Variants in FHIT observed in about 807,000 individuals in gnomAD.
FHIT encodes the protein fragile histidine triad diadenosine triphosphatase, also known as bis(5'-adenosyl)-triphosphatase.
In FHIT, 19 loss-of-function variants were observed where a neutral mutation model predicts 17.9. That is an observed-to-expected ratio of 1.06 (90% CI 0.74 to 1.56). The LOEUF is 1.56. Ranked by LOEUF, FHIT falls within the 40% of genes most tolerant of loss-of-function variation. The probability of loss-of-function intolerance (pLI) is 0.00; values close to 1 mark genes in which losing one functional copy is unlikely to be tolerated. For missense variants in FHIT, 248 were observed against 189.2 expected (o/e 1.31, Z -1.82); for synonymous variants, 81 against 69.7 (o/e 1.16, Z -0.81).
chr3:59,871,419 T>C (rs1206697645), intron 8 of FHIT, among the ~76,000 whole-genome samples: 1 of 152,124 alleles, frequency 6.6e-6, no homozygotes, highest in Non-Finnish European at 1.5e-5. Flanking sequence ...GTAGCCCTAC[T>C]ACAATCCTGT....
intron 5 of FHIT, among the ~76,000 whole-genome samples, chr3:60,404,146 A>G (rs1701764377): frequency 6.6e-6 from 1 of 152,174 alleles, no homozygotes; most frequent in African/African-American, 2.4e-5. Context: ...CAATGAGAAT[A>G]CTTTCGTTTT....
chr3:60,544,164 C>G (rs242185), intron 4 of FHIT, among the ~76,000 whole-genome samples: 144,239 of 151,854 alleles, frequency 0.95, 68,578 homozygotes, highest in East Asian at 1. Context: ...CATTGGTCAG[C>G]TATGTGGTAA....
intron 5 of FHIT, among the ~76,000 whole-genome samples, chr3:60,192,812 T>G (rs1004309280): frequency 6.6e-6 from 1 of 152,214 alleles, no homozygotes; most frequent in Non-Finnish European, 1.5e-5. Context: ...GACTCATGTT[T>G]GGTTTTGACT....
chr3:60,941,244 C>T, intron 3 of FHIT, among the ~76,000 whole-genome samples: 1 of 152,078 alleles, frequency 6.6e-6, no homozygotes, highest in East Asian at 1.9e-4. Context: ...CATTTTAAAC[C>T]ATTACTCCCA....
At chr3:61,227,051 T>C (rs921364872) in intron 1 of FHIT, among the ~76,000 whole-genome samples, 1 of 152,208 alleles carries the variant, frequency 6.6e-6, no homozygotes, top group Non-Finnish European at 1.5e-5. Flanking sequence ...TTCAGGTCAG[T>C]AAAGGTTTCT....
intron 8 of FHIT, among the ~76,000 whole-genome samples, chr3:59,832,770 C>T (rs546966420): frequency 9.2e-5 from 14 of 152,228 alleles, no homozygotes; most frequent in South Asian, 8.3e-4. Context: ...CCTCAGCTTA[C>T]ATCATGTGCG....
At chr3:59,764,530 C>G (rs1459422879) in intron 8 of FHIT, among the ~76,000 whole-genome samples, 2 of 152,196 alleles carry the variant, frequency 1.3e-5, no homozygotes, top group Non-Finnish European at 2.9e-5. Flanking sequence ...CCATTAAGTT[C>G]TGATGGAGCT....
At chr3:60,845,704 A>G (rs1702904360) in intron 3 of FHIT, among the ~76,000 whole-genome samples, 1 of 152,160 alleles carries the variant, frequency 6.6e-6, no homozygotes, top group Non-Finnish European at 1.5e-5. Flanking sequence ...CATGTCATAA[A>G]CACACATACC....
intron 2 of FHIT, among the ~76,000 whole-genome samples, chr3:61,167,905 A>T (rs1966136): frequency 6.6e-6 from 1 of 151,804 alleles, no homozygotes; most frequent in Non-Finnish European, 1.5e-5. Flanking sequence ...GTGAGGTGAG[A>T]TTATTTGTCC....
At chr3:60,430,830 G>C (rs1000895489) in intron 5 of FHIT, among the ~76,000 whole-genome samples, 7 of 152,008 alleles carry the variant, frequency 4.6e-5, no homozygotes, top group Non-Finnish European at 1.0e-4. Flanking sequence ...TTCATTCCTT[G>C]AGATTAAGCC....
chr3:61,217,495 C>A (rs770123728), intron 1 of FHIT, among the ~76,000 whole-genome samples: 7 of 152,152 alleles, frequency 4.6e-5, no homozygotes, highest in Non-Finnish European at 7.3e-5. Context: ...GTTCCAAAGA[C>A]GAGTTCTGAG....
chr3:60,172,706 A>T (rs573120258), intron 5 of FHIT, among the ~76,000 whole-genome samples: 113 of 152,298 alleles, frequency 7.4e-4, no homozygotes, highest in Middle Eastern at 3.4e-3. Flanking sequence ...TGAGGAACTA[A>T]AAGGCAGCCA....
At chr3:60,324,697 G>T (rs1882899) in intron 5 of FHIT, among the ~76,000 whole-genome samples, 95,522 of 151,828 alleles carry the variant, frequency 0.63, 30,632 homozygotes, top group South Asian at 0.71. Context: ...AAGAACAAAT[G>T]CGTCCACTAT....
intron 4 of FHIT, chr3:60,616,985 A>G (rs1553676152): frequency 1.8e-5 from 3 of 164,210 alleles, no homozygotes; most frequent in South Asian, 1.7e-4. Context: ...AAGTGAAACG[A>G]TGCAGACAAT....
chr3:60,981,381 T>A (rs1019718590), intron 3 of FHIT, among the ~76,000 whole-genome samples: 3 of 148,498 alleles, frequency 2.0e-5, no homozygotes, highest in Non-Finnish European at 4.5e-5. Context: ...CTTAGCTCAC[T>A]GCAATCTCCA....
At chr3:59,836,533 T>C (rs1701346544) in intron 8 of FHIT, among the ~76,000 whole-genome samples, 2 of 152,308 alleles carry the variant, frequency 1.3e-5, no homozygotes, top group Admixed American at 1.3e-4. Context: ...CCATATGAGC[T>C]TGGCCCTGCG....
At chr3:60,821,799 A>G (rs1701938919) in intron 4 of FHIT, 120 bp downstream of exon 4, 1 of 152,202 alleles carries the variant, frequency 6.6e-6, no homozygotes, top group Admixed American at 6.5e-5. Context: ...CTGAAATTTT[A>G]CCATTTTAAA....
intron 5 of FHIT, among the ~76,000 whole-genome samples, chr3:60,533,240 C>G (rs1039649447): frequency 7.2e-5 from 11 of 152,126 alleles, no homozygotes; most frequent in Non-Finnish European, 1.6e-4. Context: ...AAAGTGGTGA[C>G]AAGACTTGGC....
rs541639850 is a variant in FHIT, at chr3:60,678,424, T to C, written c.-17-141445A>G. On this transcript the variant is annotated intron_variant, in intron 4 of 9. Coordinates refer to ENST00000492590, the MANE Select transcript of FHIT (RefSeq NM_002012.4). ...TTATAGAGGTCAATTCATTGGGTTA[T>C]AAGAGAAAAGAAACACTTATTGAAG... is the stretch of plus-strand genomic sequence containing the variant. 1.8e-4 allele frequency among the ~76,000 whole-genome samples: 27 copies of C among 152,322 alleles called. 1 individual carries two copies. The highest frequency in any genetic ancestry group is 1.4e-3 in the Admixed American group (21 of 15,292).
Sources: allele counts gnomAD v4.1 joint callset (sites outside exome capture counted in the v4.1 genomes callset), GRCh38; gene constraint gnomAD v4.1.1; transcripts MANE v1.5; gene names NCBI Gene and HGNC (gene_info 2026-07-23, HGNC 2026-07-21).